The following LUZP2 variants were observed in gnomAD, a reference collection of about 807,000 sequenced individuals.
The protein encoded by LUZP2 is leucine zipper protein 2.
In LUZP2, 52 loss-of-function variants were observed where a neutral mutation model predicts 51.6. The observed-to-expected ratio is 1.01, with a 90% CI of 0.81 to 1.27. The LOEUF (loss-of-function observed/expected upper bound fraction) is 1.27. LUZP2 is among the 50% of genes most tolerant of loss of function. The pLI is 0.00. For synonymous variants in LUZP2, 154 were observed against 137.3 expected, an observed-to-expected ratio of 1.12 and a Z score of -0.85; for missense variants, 436 against 395.4, an observed-to-expected ratio of 1.10 and a Z score of -0.87.
intron 9 of LUZP2, among the ~76,000 whole-genome samples, chr11:25,014,446 A>T (rs6484094): frequency 3.9e-5 from 6 of 152,114 alleles, no homozygotes; most frequent in Non-Finnish European, 2.9e-5. Flanking sequence ...ACCCTTCTAA[A>T]TGGTGTGAGA....
chr11:24,524,547 A>G (rs989883877), intron 1 of LUZP2, among the ~76,000 whole-genome samples: 4 of 151,724 alleles, frequency 2.6e-5, no homozygotes, highest in Non-Finnish European at 4.4e-5. Flanking sequence ...TCTTTTGAAA[A>G]CCATAGAAAT....
chr11:24,738,109 A>G, intron 3 of LUZP2, 112 bp from the exon 4 acceptor site: 1 of 630,838 alleles, frequency 1.6e-6, no homozygotes, highest in Non-Finnish European at 2.7e-6. Context: ...ATGCACTTCT[A>G]GTTGTCTATG....
chr11:24,840,295 G>T (rs2134198122), intron 5 of LUZP2, among the ~76,000 whole-genome samples: 1 of 151,904 alleles, frequency 6.6e-6, no homozygotes, highest in African/African-American at 2.4e-5. Flanking sequence ...AATGTCAGCA[G>T]GTTCTGCAAC....
intron 5 of LUZP2, among the ~76,000 whole-genome samples, chr11:24,841,227 A>T (rs1295798981): frequency 6.6e-6 from 1 of 152,048 alleles, no homozygotes; most frequent in Non-Finnish European, 1.5e-5. Flanking sequence ...TATAAGAAGA[A>T]AAAGAGACAA....
At position 24,972,107 on chromosome 11, in the gene LUZP2, C is replaced by T. The variant is rs1311715338; in HGVS notation, c.523-4484C>T. Among the ~76,000 whole-genome samples, 4 of 134,294 alleles carry T rather than the reference C, an allele frequency of 3.0e-5. No individual in the cohort carries two copies. The East Asian group carries it at 1.0e-3, about 34-fold the overall frequency. 88.1% of individuals were successfully genotyped at this position (134,294 alleles called of 152,430 possible). ...AGTGAGCCGGGATCATGCTACTGCA[C>T]TCCAGCCTGGGTGACAGCGGAGTGA... On this transcript the variant is annotated intron_variant, in intron 7 of 11. Transcript: ENST00000336930.
At chr11:24,836,643 C>G (rs369832816) in intron 5 of LUZP2, among the ~76,000 whole-genome samples, 9 of 151,702 alleles carry the variant, frequency 5.9e-5, no homozygotes, top group African/African-American at 1.9e-4. Context: ...ATCACAATAG[C>G]CAAAGTTAAG....
intron 1 of LUZP2, among the ~76,000 whole-genome samples, chr11:24,672,834 G>C (rs1404284828): frequency 1.3e-5 from 2 of 152,150 alleles, no homozygotes; most frequent in Admixed American, 6.5e-5. Context: ...CCAGTCCCTG[G>C]ACCACAGACC....
intron 9 of LUZP2, among the ~76,000 whole-genome samples, chr11:25,016,489 C>G (rs1028556080): frequency 6.6e-6 from 1 of 151,848 alleles, no homozygotes; most frequent in African/African-American, 2.4e-5. Context: ...TTATTCCATT[C>G]TTTTTAAGGC....
chr11:25,039,538 T>C (rs1857973888), intron 9 of LUZP2, among the ~76,000 whole-genome samples: 1 of 152,162 alleles, frequency 6.6e-6, no homozygotes, highest in Non-Finnish European at 1.5e-5. Context: ...AGGGCGCTTA[T>C]GGCCCAACTC....
chr11:24,514,884 G>T (rs1034638113), intron 1 of LUZP2, among the ~76,000 whole-genome samples: 14 of 152,124 alleles, frequency 9.2e-5, no homozygotes, highest in African/African-American at 3.4e-4. Flanking sequence ...CTGCTGGTTG[G>T]TTCAGGATCA....
At chr11:24,807,153 GA>G (rs1479875421) in intron 5 of LUZP2, among the ~76,000 whole-genome samples, 1 of 151,954 alleles carries the variant, frequency 6.6e-6, no homozygotes, top group African/African-American at 2.4e-5. Context: ...GATCATGGCT[GA>G]TTTTTAAAAG....
chr11:24,656,268 T>C (rs1157779131), intron 1 of LUZP2, among the ~76,000 whole-genome samples: 1 of 152,132 alleles, frequency 6.6e-6, no homozygotes, highest in Non-Finnish European at 1.5e-5. Context: ...ATTCTATCAA[T>C]TTTCTAGTGC....
chr11:24,550,004 C>G (rs1434156459), intron 1 of LUZP2, among the ~76,000 whole-genome samples: 2 of 152,052 alleles, frequency 1.3e-5, no homozygotes, highest in African/African-American at 2.4e-5. Flanking sequence ...ACCCACCACC[C>G]TCTTCTGAAA....
intron 5 of LUZP2, among the ~76,000 whole-genome samples, chr11:24,897,904 G>C (rs1853135423): frequency 6.6e-6 from 1 of 151,906 alleles, no homozygotes; most frequent in African/African-American, 2.4e-5. Context: ...CCTTTAACAT[G>C]GATTCCTACG....
At chr11:24,693,152 C>T (rs1295222499) in intron 1 of LUZP2, among the ~76,000 whole-genome samples, 2 of 151,670 alleles carry the variant, frequency 1.3e-5, no homozygotes, top group Non-Finnish European at 2.9e-5. Context: ...ATTTTTCTTC[C>T]AGTTTTCTTC....
chr11:24,536,457 A>G (rs534337826), intron 1 of LUZP2, among the ~76,000 whole-genome samples: 1 of 151,930 alleles, frequency 6.6e-6, no homozygotes, highest in African/African-American at 2.4e-5. Flanking sequence ...CACCTTCTCA[A>G]TCAGCACTTG....
rs145144073 is a variant in LUZP2 at position 25,037,262 on chromosome 11, A to G, written c.766-12776A>G. On this transcript the variant is annotated intron_variant, in intron 9 of 11. Coordinates refer to ENST00000336930, the MANE Select transcript of LUZP2 (RefSeq NM_001009909.4). Reference sequence around the variant, plus strand: ...TGGTTTAAAGTCTGTTTTATGTGATATAAGAATAGCTATTTCTGCTCTTTT... The same window carrying G: ...TGGTTTAAAGTCTGTTTTATGTGATGTAAGAATAGCTATTTCTGCTCTTTT... Among the ~76,000 whole-genome samples the G allele has an allele frequency of 4.2e-3, 635 of 152,290 alleles. 4 individuals are homozygous for G. Among genetic ancestry groups the G allele is most frequent in the African/African-American group, 0.014 (590 of 41,566 alleles).
At chr11:24,811,762 T>C (rs2134137265) in intron 5 of LUZP2, among the ~76,000 whole-genome samples, 1 of 152,276 alleles carries the variant, frequency 6.6e-6, no homozygotes, top group African/African-American at 2.4e-5. Flanking sequence ...TATCTTGTCC[T>C]GCCTAGATTA....
intron 1 of LUZP2, among the ~76,000 whole-genome samples, chr11:24,498,508 C>T (rs910318703): frequency 6.6e-6 from 1 of 152,088 alleles, no homozygotes; most frequent in Non-Finnish European, 1.5e-5. Context: ...TTAGTCTTTC[C>T]TTGCAAACAA....
Sources: allele counts gnomAD v4.1 joint callset (sites outside exome capture counted in the v4.1 genomes callset), GRCh38; gene constraint gnomAD v4.1.1; transcripts MANE v1.5; gene names NCBI Gene and HGNC (gene_info 2026-07-23, HGNC 2026-07-21).